Variants in GFPT2 observed in about 807,000 individuals in gnomAD.
GFPT2 encodes glutamine--fructose-6-phosphate aminotransferase [isomerizing] 2.
A neutral mutation model predicts 85.6 loss-of-function variants in GFPT2; 62 were observed. The ratio of observed to expected loss-of-function variants is 0.72; its 90% CI spans 0.59 to 0.90. The LOEUF (loss-of-function observed/expected upper bound fraction) is 0.90. GFPT2 is among the 40% of genes least tolerant of loss of function. The pLI is 0.00. For synonymous variants in GFPT2, 368 were observed against 344.5 expected (o/e 1.07, Z -0.75); for missense variants, 788 against 893.4 (o/e 0.88, Z 1.50).
At chr5:180,321,811 T>G (rs1235643571) in intron 9 of GFPT2, among the ~76,000 whole-genome samples, 2 of 152,056 alleles carry the variant, frequency 1.3e-5, no homozygotes, top group Non-Finnish European at 2.9e-5. Context: ...TGAGACGGAG[T>G]CTCGCTCTGT....
At chr5:180,334,227 CT>C (rs1447707043) in intron 4 of GFPT2, among the ~76,000 whole-genome samples, 1 of 152,220 alleles carries the variant, frequency 6.6e-6, no homozygotes, top group Non-Finnish European at 1.5e-5. Context: ...GTAGCCCTGG[CT>C]CCTGTGCTAC....
chr5:180,306,747 T>A (rs1237101822), intron 16 of GFPT2, among the ~76,000 whole-genome samples: 1 of 152,190 alleles, frequency 6.6e-6, no homozygotes, highest in Admixed American at 6.5e-5. Flanking sequence ...TGGACTCAGG[T>A]CTGATTCGGG....
rs753979444 is a variant in GFPT2, at chr5:180,307,305, T to A, written c.1547-2A>T. 9.7e-5 allele frequency: 157 copies of A among 1,613,790 alleles called. No individual in the cohort carries two copies. The highest frequency in any genetic ancestry group is 1.2e-4 in the Non-Finnish European group (145 of 1,179,686). On this transcript the variant is annotated splice_acceptor_variant, in intron 15 of 18. Transcript: ENST00000253778. LOFTEE classifies it high-confidence loss of function. ...GAGACAGCACTTCCTTGATCAGCTC[T>A]GGGCCATGCACGGAGCAGAGGGAGA...
At chr5:180,324,795 G>T in intron 8 of GFPT2, 21 bp downstream of exon 8, 2 of 1,474,558 alleles carry the variant, frequency 1.4e-6, no homozygotes, top group Non-Finnish European at 1.9e-6. Context: ...GTGCTGTTCC[G>T]GTACTTCTTG....
intron 4 of GFPT2, 99 bp from the exon 5 acceptor site, chr5:180,331,652 A>G: frequency 1.3e-6 from 1 of 753,174 alleles, no homozygotes; most frequent in Non-Finnish European, 2.4e-6. Context: ...TGCAAACTCC[A>G]GGCCTCAAGA....
intron 15 of GFPT2, among the ~76,000 whole-genome samples, chr5:180,312,181 G>A (rs1763906337): frequency 9.5e-6 from 1 of 104,766 alleles, no homozygotes; most frequent in African/African-American, 3.3e-5. Context: ...CAGGGAGGCT[G>A]AGGACCAGGG....
chr5:180,306,320 A>G (rs1255038428), intron 16 of GFPT2, among the ~76,000 whole-genome samples: 1 of 151,954 alleles, frequency 6.6e-6, no homozygotes, highest in Non-Finnish European at 1.5e-5. Flanking sequence ...TGGGGAGGAG[A>G]TGGGAGAGGA....
chr5:180,312,680 C>T, intron 14 of GFPT2, 136 bp from the exon 15 acceptor site: 1 of 582,324 alleles, frequency 1.7e-6, no homozygotes, highest in Admixed American at 2.8e-5. Context: ...CCTCAACCTC[C>T]TCAAGTGATT....
intron 14 of GFPT2, 129 bp from the exon 15 acceptor site, chr5:180,312,673 C>T (rs1487483459): frequency 1.5e-5 from 9 of 602,838 alleles, no homozygotes; most frequent in Admixed American, 2.6e-5. Context: ...ACTGCAGCCT[C>T]AACCTCCTCA....
At chr5:180,339,718 G>C (rs1469524512) in intron 1 of GFPT2, among the ~76,000 whole-genome samples, 1 of 152,130 alleles carries the variant, frequency 6.6e-6, no homozygotes, top group African/African-American at 2.4e-5. Flanking sequence ...CCACTTCAAA[G>C]CTCAGCTCCA....
intron 1 of GFPT2, among the ~76,000 whole-genome samples, chr5:180,339,101 C>T (rs1014065081): frequency 2.0e-5 from 3 of 152,040 alleles, no homozygotes; most frequent in Non-Finnish European, 2.9e-5. Flanking sequence ...CTACTTGAGC[C>T]GGGGGCGGTG....
chr5:180,321,547 G>A (rs1764120313), intron 9 of GFPT2, among the ~76,000 whole-genome samples: 1 of 152,218 alleles, frequency 6.6e-6, no homozygotes, highest in Non-Finnish European at 1.5e-5. Context: ...CCAGAGGTCT[G>A]TCATGATTAT....
Position 180,323,745 on chromosome 5 carries a change from G to A in GFPT2, c.794+443C>T, listed in dbSNP as rs186959131. On this transcript the variant is annotated intron_variant, in intron 9 of 18. Coordinates refer to ENST00000253778, the MANE Select transcript of GFPT2 (RefSeq NM_005110.4). This position sits in a 1 kb window ranked among gnomAD's most constrained non-coding sequence, Gnocchi z 4.0. ...GGCAAAGGCAGGGAGGGGCATGGGA[G>A]GGACTGAGGTCTAGACACAGTTGTC... 2.0e-5 allele frequency among the ~76,000 whole-genome samples: 3 copies of A among 152,308 alleles called. No individual in the cohort carries two copies. The highest frequency in any genetic ancestry group is 2.0e-4 in the Admixed American group (3 of 15,296).
At chr5:180,336,857 C>A (rs1375671202) in intron 2 of GFPT2, among the ~76,000 whole-genome samples, 1 of 152,250 alleles carries the variant, frequency 6.6e-6, no homozygotes, top group African/African-American at 2.4e-5. Context: ...CCGCTGCAGG[C>A]GCTCCCAGGC....
Position 180,330,500 on chromosome 5 carries a change from C to G in GFPT2, c.534+200G>C, listed in dbSNP as rs967010903. 6.6e-6 allele frequency among the ~76,000 whole-genome samples: 1 copy of G among 152,158 alleles called. No homozygotes were observed. Among genetic ancestry groups the G allele is most frequent in the African/African-American group, 2.4e-5 (1 of 41,436 alleles). ...GATGTTGACTACCCAAACCACAGAA[C>G]GTCTTCCAGTTCTACAAGAGTGTAA... is the stretch of plus-strand genomic sequence containing the variant. On this transcript the variant is annotated intron_variant, in intron 6 of 18. Transcript: ENST00000253778. This position sits in a 1 kb window ranked among gnomAD's most constrained non-coding sequence, Gnocchi z 4.4.
Position 180,335,859 on chromosome 5 carries a change from G to A in GFPT2, c.309C>T (p.Asn103=), listed in dbSNP as rs1764383133. ...WATHGVPSAV[N]SHPQRSDKGN... ...CTTTGTCTGAGCGCTGAGGGTGGCT[G>A]TTGACAGCACTGGGGACCCCGTGGG... is the stretch of plus-strand genomic sequence containing the variant. The change falls in exon 4 of 19, where the codon AAC becomes AAT. Residue 103 remains asparagine (N), a synonymous_variant. Coordinates refer to ENST00000253778, the MANE Select transcript of GFPT2 (RefSeq NM_005110.4). 3 of 1,596,854 alleles carry A rather than the reference G, an allele frequency of 1.9e-6. No homozygotes were observed. The highest frequency in any genetic ancestry group is 2.7e-5 in the African/African-American group (2 of 73,448).
intron 4 of GFPT2, 33 bp downstream of exon 4, chr5:180,335,795 G>A (rs757405352): frequency 1.3e-6 from 2 of 1,594,428 alleles, no homozygotes; most frequent in East Asian, 2.3e-5. Flanking sequence ...AGGGTGAGGT[G>A]GAACCATGGG....
At chr5:180,352,947 CGG>C in intron 1 of GFPT2, 1 of 424,864 alleles carries the variant, frequency 2.4e-6, no homozygotes, top group Non-Finnish European at 4.1e-6. Context: ...CCGTGGGGAC[CGG>C]GCCTCGGTCC....
At chr5:180,321,743 A>C (rs1452906987) in intron 9 of GFPT2, among the ~76,000 whole-genome samples, 1 of 150,232 alleles carries the variant, frequency 6.7e-6, no homozygotes, top group Non-Finnish European at 1.5e-5. Flanking sequence ...AGGCATAAAC[A>C]AATAAAATAA....
Sources: allele counts gnomAD v4.1 joint callset (sites outside exome capture counted in the v4.1 genomes callset), GRCh38; gene constraint gnomAD v4.1.1; non-coding constraint Gnocchi (gnomAD v3.1); transcripts MANE v1.5; gene names NCBI Gene and HGNC (gene_info 2026-07-23, HGNC 2026-07-21).